Variants in LRMDA observed in about 807,000 individuals in gnomAD.
The protein encoded by LRMDA is leucine rich melanocyte differentiation associated, also known as leucine-rich melanocyte differentiation-associated protein.
Under a neutral mutation model 29.8 loss-of-function variants are expected in LRMDA, and 18 were observed. That is an observed-to-expected ratio of 0.60 (90% CI 0.42 to 0.90). LRMDA has a LOEUF of 0.90. Among genes scored for constraint, LRMDA ranks in the 40% least tolerant of loss-of-function variants. The pLI is 0.00. For synonymous variants in LRMDA, 125 were observed against 109.4 expected (o/e 1.14, Z -0.89); for missense variants, 273 against 273.9 (o/e 1.00, Z 0.02).
At chr10:75,569,755 T>C (rs1451355190) in intron 2 of LRMDA, among the ~76,000 whole-genome samples, 1 of 152,202 alleles carries the variant, frequency 6.6e-6, no homozygotes, top group East Asian at 1.9e-4. Flanking sequence ...GCTGAAGGGA[T>C]TGGTTTTAGC....
intron 5 of LRMDA, among the ~76,000 whole-genome samples, chr10:76,142,118 T>C (rs1850213218): frequency 6.6e-6 from 1 of 152,088 alleles, no homozygotes; most frequent in Admixed American, 6.6e-5. Context: ...TCAAGGTCAA[T>C]ACTGGAAGAC....
intron 2 of LRMDA, chr10:75,782,895 T>G (rs1279800826): frequency 1.2e-6 from 2 of 1,605,344 alleles, no homozygotes; most frequent in East Asian, 4.5e-5. Flanking sequence ...CTGCTGTTGC[T>G]CTCATGCCTC....
chr10:75,449,209 T>A (rs1442954828), intron 2 of LRMDA, among the ~76,000 whole-genome samples: 1 of 150,268 alleles, frequency 6.7e-6, no homozygotes, highest in Non-Finnish European at 1.5e-5. Context: ...TTATCAAGTA[T>A]ACACTACATG....
At chr10:76,095,921 G>A (rs1849305351) in intron 5 of LRMDA, among the ~76,000 whole-genome samples, 1 of 151,596 alleles carries the variant, frequency 6.6e-6, no homozygotes, top group Non-Finnish European at 1.5e-5. Flanking sequence ...CTCCAGCCTG[G>A]GAGACAGCGA....
chr10:75,715,141 T>C (rs1357155727), intron 2 of LRMDA, among the ~76,000 whole-genome samples: 2 of 152,194 alleles, frequency 1.3e-5, no homozygotes, highest in African/African-American at 4.8e-5. Flanking sequence ...GGTGAGGGGC[T>C]GCGGTACGTG....
At chr10:75,711,374 A>C (rs34570909) in intron 2 of LRMDA, among the ~76,000 whole-genome samples, 3,345 of 152,296 alleles carry the variant, frequency 0.022, 64 homozygotes, top group Non-Finnish European at 0.031. Flanking sequence ...CTGTTCAAGG[A>C]TCAAGTCACA....
chr10:75,703,031 G>C (rs1393788160), intron 2 of LRMDA, among the ~76,000 whole-genome samples: 2 of 152,200 alleles, frequency 1.3e-5, no homozygotes, highest in Non-Finnish European at 2.9e-5. Flanking sequence ...ATACACCCTA[G>C]TGAGGGAATA....
At chr10:76,483,724 T>TAAAAAAAA (rs755947041) in intron 6 of LRMDA, among the ~76,000 whole-genome samples, 1 of 128,700 alleles carries the variant, frequency 7.8e-6, no homozygotes. Flanking sequence ...AAGAAACCAT[T>TAAAAAAAA]AAAAAAAAAA....
chr10:76,223,172 C>A (rs1007499452), intron 5 of LRMDA, among the ~76,000 whole-genome samples: 2 of 151,800 alleles, frequency 1.3e-5, no homozygotes, highest in African/African-American at 4.8e-5. Flanking sequence ...TGCTAAATGA[C>A]GAGTTAATGG....
At chr10:75,639,669 C>T (rs956339475) in intron 2 of LRMDA, among the ~76,000 whole-genome samples, 7 of 152,248 alleles carry the variant, frequency 4.6e-5, no homozygotes, top group Middle Eastern at 3.4e-3. Context: ...CCCTGTGCTT[C>T]AGATGGTTAA....
chr10:75,935,257 C>T (rs931432305), intron 2 of LRMDA, among the ~76,000 whole-genome samples: 6 of 152,178 alleles, frequency 3.9e-5, no homozygotes, highest in Non-Finnish European at 8.8e-5. Flanking sequence ...AGTGAAAACA[C>T]CATGCATAAA....
chr10:76,289,213 G>C (rs1840309152), intron 5 of LRMDA, among the ~76,000 whole-genome samples: 1 of 152,098 alleles, frequency 6.6e-6, no homozygotes, highest in Non-Finnish European at 1.5e-5. Flanking sequence ...CTCAATGAGG[G>C]GGAAATTCGG....
intron 2 of LRMDA, among the ~76,000 whole-genome samples, chr10:75,578,038 A>G (rs1002655628): frequency 3.9e-5 from 6 of 152,008 alleles, no homozygotes; most frequent in African/African-American, 9.7e-5. Context: ...ACACATAACA[A>G]TATTAACCTT....
chr10:76,472,058 CACTATA>C (rs1466583926), intron 6 of LRMDA, among the ~76,000 whole-genome samples: 1 of 151,602 alleles, frequency 6.6e-6, no homozygotes, highest in Non-Finnish European at 1.5e-5. Context: ...ACTTGGACAA[CACTATA>C]AACCAACTTG....
chr10:75,994,876 A>T (rs1847433457), intron 2 of LRMDA, among the ~76,000 whole-genome samples: 1 of 152,158 alleles, frequency 6.6e-6, no homozygotes, highest in Admixed American at 6.5e-5. Context: ...ATAACCCATA[A>T]TTCTTCCTGC....
intron 5 of LRMDA, among the ~76,000 whole-genome samples, chr10:76,287,722 G>GA (rs1332967292): frequency 2.0e-5 from 3 of 151,946 alleles, no homozygotes; most frequent in African/African-American, 7.2e-5. Flanking sequence ...TTTCCAAGAG[G>GA]AAAAAAAGTT....
At chr10:75,805,206 C>T (rs1291458273) in intron 2 of LRMDA, among the ~76,000 whole-genome samples, 1 of 152,060 alleles carries the variant, frequency 6.6e-6, no homozygotes, top group East Asian at 1.9e-4. Context: ...GAACGGGGTT[C>T]CTTTTAGCCC....
At chr10:75,842,601 G>A (rs1037764765) in intron 2 of LRMDA, among the ~76,000 whole-genome samples, 1 of 152,190 alleles carries the variant, frequency 6.6e-6, no homozygotes, top group Non-Finnish European at 1.5e-5. Context: ...TTAAAAGACA[G>A]GACATATCAA....
chr10:76,330,230 G>A (rs762446821), intron 6 of LRMDA, among the ~76,000 whole-genome samples: 2 of 152,190 alleles, frequency 1.3e-5, no homozygotes, highest in Non-Finnish European at 2.9e-5. Context: ...AACAAGAGAA[G>A]AGGATAAGAA....
Sources: gnomAD v4.1 joint callset for allele counts (sites outside exome capture counted in the v4.1 genomes callset) on GRCh38, gnomAD v4.1.1 for gene constraint, MANE v1.5 for transcripts, NCBI Gene and HGNC (gene_info 2026-07-23, HGNC 2026-07-21) for gene names.